SLC35F1: variants seen among roughly 807,000 people sequenced by gnomAD.
SLC35F1 encodes the protein chromosome 6 open reading frame 169.
Under a neutral mutation model 48.7 loss-of-function variants are expected in SLC35F1, and 14 were observed. The observed-to-expected ratio is 0.29, with a 90% CI of 0.19 to 0.45. The LOEUF (loss-of-function observed/expected upper bound fraction) is 0.45, where lower values mean the gene tolerates loss of function less well. Among genes scored for constraint, SLC35F1 ranks in the 20% least tolerant of loss-of-function variants. SLC35F1 has a pLI of 1.00. For missense variants in SLC35F1, 404 were observed against 500.0 expected, an observed-to-expected ratio of 0.81 and a Z score of 1.83; for synonymous variants, 190 against 202.2, an observed-to-expected ratio of 0.94 and a Z score of 0.51.
intron 7 of SLC35F1, among the ~76,000 whole-genome samples, chr6:118,291,237 A>G (rs1923282): frequency 0.66 from 99,366 of 149,952 alleles, 33,201 homozygotes; most frequent in Middle Eastern, 0.76. Context: ...CAGCTGTATC[A>G]TGTATACACA....
chr6:118,204,656 T>G (rs139901644), intron 2 of SLC35F1, among the ~76,000 whole-genome samples: 8 of 152,282 alleles, frequency 5.3e-5, no homozygotes, highest in Admixed American at 1.3e-4. Context: ...CTTTCTCTTT[T>G]GAGCTTTTAT....
At chr6:117,942,169 A>G (rs1278431792) in intron 1 of SLC35F1, among the ~76,000 whole-genome samples, 1 of 152,198 alleles carries the variant, frequency 6.6e-6, no homozygotes, top group Admixed American at 6.5e-5. Context: ...CTTGTTTAAG[A>G]TGATGCAGCT....
At chr6:118,029,288 G>A (rs1772005729) in intron 1 of SLC35F1, among the ~76,000 whole-genome samples, 1 of 152,118 alleles carries the variant, frequency 6.6e-6, no homozygotes, top group Admixed American at 6.6e-5. Flanking sequence ...CCTTATCTGA[G>A]GTTTCACTTT....
At chr6:117,923,675 G>GTACATGTGTACATATATGTATATA (rs1775950922) in intron 1 of SLC35F1, among the ~76,000 whole-genome samples, 1 of 36,304 alleles carries the variant, frequency 2.8e-5, no homozygotes, top group South Asian at 1.1e-3. Context: ...ATACATATAT[G>GTACATGTGTACATATATGTATATA]TACATATATA....
intron 1 of SLC35F1, among the ~76,000 whole-genome samples, chr6:117,908,259 G>A (rs1775720349): frequency 6.6e-6 from 1 of 152,206 alleles, no homozygotes; most frequent in African/African-American, 2.4e-5. Flanking sequence ...GGGGTCGGGG[G>A]GACGCGGGGA....
Position 118,272,242 on chromosome 6 carries a change from A to G in SLC35F1, c.638-3217A>G, listed in dbSNP as rs375120324. On this transcript the variant is annotated intron_variant, in intron 4 of 7. Transcript: ENST00000360388. ...ACAGTTGGCTGCGGGGAAATGAGAT[A>G]CACAAGTTAACAAGTAACAGACAAG... Among the ~76,000 whole-genome samples the G allele has an allele frequency of 5.3e-5, 8 of 152,326 alleles. No homozygotes were observed. In the East Asian group the frequency reaches 1.3e-3, roughly 26 times the overall value.
chr6:118,183,610 A>G (rs1774616028), intron 2 of SLC35F1, among the ~76,000 whole-genome samples: 1 of 152,168 alleles, frequency 6.6e-6, no homozygotes, highest in Non-Finnish European at 1.5e-5. Context: ...ACCATCAAGA[A>G]ACACCCTTTA....
chr6:117,963,663 T>C (rs1776525319), intron 1 of SLC35F1, among the ~76,000 whole-genome samples: 1 of 152,178 alleles, frequency 6.6e-6, no homozygotes, highest in Admixed American at 6.5e-5. Flanking sequence ...TTGAATACTT[T>C]ATGTATTTTT....
chr6:117,929,947 C>A (rs148203258), intron 1 of SLC35F1, among the ~76,000 whole-genome samples: 2 of 152,240 alleles, frequency 1.3e-5, no homozygotes, highest in Non-Finnish European at 2.9e-5. Context: ...TAAGTTTTTA[C>A]GTTTATTTTC....
At chr6:118,248,997 G>T (rs543514229) in intron 3 of SLC35F1, among the ~76,000 whole-genome samples, 3 of 152,186 alleles carry the variant, frequency 2.0e-5, no homozygotes, top group Non-Finnish European at 4.4e-5. Flanking sequence ...TACCATGCAC[G>T]CGAGGACACA....
chr6:118,193,293 C>T (rs2114525163), intron 2 of SLC35F1, among the ~76,000 whole-genome samples: 1 of 152,232 alleles, frequency 6.6e-6, no homozygotes, highest in Admixed American at 6.5e-5. Flanking sequence ...CTTTTATAAG[C>T]CTTTACAAAT....
At chr6:117,929,079 C>T (rs560524576) in intron 1 of SLC35F1, among the ~76,000 whole-genome samples, 5 of 152,260 alleles carry the variant, frequency 3.3e-5, no homozygotes, top group African/African-American at 1.2e-4. Context: ...CAAGAACCCT[C>T]ACCCATCATG....
At chr6:118,119,494 G>GCCCCCCCCCCCC (rs369126799) in intron 1 of SLC35F1, among the ~76,000 whole-genome samples, 1 of 52,192 alleles carries the variant, frequency 1.9e-5, no homozygotes, top group Non-Finnish European at 4.1e-5. Flanking sequence ...AATAACCGGC[G>GCCCCCCCCCCCC]CCCCCCCTCC....
Position 117,971,591 on chromosome 6 carries a change from T to TGGACATCCAGTCATTTCC in SLC35F1, c.173+63693_173+63710dup, listed in dbSNP as rs547132241. On this transcript the variant is annotated intron_variant, in intron 1 of 7. Transcript: ENST00000360388. ...TCCACCCCTGCAGTAAGCTTCTGCC[T>TGGACATCCAGTCATTTCC]GGACATCCAGTCATTTCCATACATC... Among the ~76,000 whole-genome samples, 1,209 of 152,372 alleles carry TGGACATCCAGTCATTTCC rather than the reference T, an allele frequency of 7.9e-3. 10 individuals carry two copies. The highest frequency in any genetic ancestry group is 0.014 in the Non-Finnish European group (935 of 68,026).
chr6:117,984,876 C>T (rs1347811809), intron 1 of SLC35F1, among the ~76,000 whole-genome samples: 2 of 152,186 alleles, frequency 1.3e-5, no homozygotes, highest in East Asian at 3.8e-4. Context: ...GTAACTCACA[C>T]ATGTCTGATG....
chr6:118,117,738 T>A (rs978459309), intron 1 of SLC35F1, among the ~76,000 whole-genome samples: 3 of 152,108 alleles, frequency 2.0e-5, no homozygotes, highest in Non-Finnish European at 4.4e-5. Context: ...TTGCAGTAAA[T>A]CACTTCAGGT....
intron 2 of SLC35F1, among the ~76,000 whole-genome samples, chr6:118,214,960 A>T (rs1775052926): frequency 1.3e-5 from 2 of 152,164 alleles, no homozygotes; most frequent in Admixed American, 6.5e-5. Flanking sequence ...ATCAACTGAT[A>T]ATTGACAGGC....
At chr6:118,160,898 A>AT (rs5879450) in intron 2 of SLC35F1, among the ~76,000 whole-genome samples, 46,150 of 143,776 alleles carry the variant, frequency 0.32, 7,343 homozygotes, top group Admixed American at 0.43. Context: ...GTATCCTGCT[A>AT]TTTTTTTTTT....
At chr6:118,032,997 T>A (rs955304038) in intron 1 of SLC35F1, among the ~76,000 whole-genome samples, 4 of 152,188 alleles carry the variant, frequency 2.6e-5, no homozygotes, top group South Asian at 2.1e-4. Flanking sequence ...ATCTTGCATC[T>A]TTTTTCTTTT....
Sources: gnomAD v4.1 joint callset for allele counts (sites outside exome capture counted in the v4.1 genomes callset) on GRCh38, gnomAD v4.1.1 for gene constraint, MANE v1.5 for transcripts, NCBI Gene and HGNC (gene_info 2026-07-23, HGNC 2026-07-21) for gene names.